FAM83A: variants seen among roughly 807,000 people sequenced by gnomAD.
The protein encoded by FAM83A is scaffolding CK1 anchoring protein A.
In FAM83A, 21 loss-of-function variants were observed where a neutral mutation model predicts 24.4. That is an observed-to-expected ratio of 0.86 (90% CI 0.61 to 1.24). The LOEUF (loss-of-function observed/expected upper bound fraction) is 1.24, where lower values mean the gene tolerates loss of function less well. Ranked by LOEUF, FAM83A falls within the 50% of genes most tolerant of loss-of-function variation. The pLI is 0.00. For missense variants in FAM83A, 617 were observed against 579.8 expected (o/e 1.06, Z -0.66); for synonymous variants, 270 against 252.4 (o/e 1.07, Z -0.66).
chr8:123,183,069 C>A, exon 1 of FAM83A: 1 of 1,613,610 alleles, frequency 6.2e-7, no homozygotes, highest in Non-Finnish European at 8.5e-7. Flanking sequence ...CCCAGTACAT[C>A]CAGGCCCAGG....
chr8:123,194,608 C>T (rs1025040015), intron 3 of FAM83A, among the ~76,000 whole-genome samples: 1 of 152,002 alleles, frequency 6.6e-6, no homozygotes, highest in Admixed American at 6.6e-5. Context: ...CTCAGCCCCC[C>T]AAGTAGCTGG....
chr8:123,181,528 T>C (rs1205282096), upstream of FAM83A: 3 of 154,636 alleles, frequency 1.9e-5, no homozygotes, highest in Non-Finnish European at 4.3e-5. Context: ...CACCTGACAC[T>C]GCCTGAAGGC....
At chr8:123,204,254 A>C (rs1445028423) in intron 3 of FAM83A, among the ~76,000 whole-genome samples, 6 of 152,116 alleles carry the variant, frequency 3.9e-5, no homozygotes, top group Admixed American at 6.6e-5. Context: ...CTCTGCCCCC[A>C]AAAAAATTTT....
intron 3 of FAM83A, among the ~76,000 whole-genome samples, chr8:123,205,562 G>T (rs1360240196): frequency 1.3e-5 from 2 of 152,222 alleles, no homozygotes; most frequent in East Asian, 3.9e-4. Context: ...CCCAACCCTG[G>T]GCTGAGGCCA....
upstream of FAM83A, among the ~76,000 whole-genome samples, chr8:123,181,443 G>A (rs1823597601): frequency 2.0e-5 from 3 of 152,208 alleles, no homozygotes; most frequent in South Asian, 6.2e-4. Context: ...TGAGCAGATA[G>A]CGTCAGGGCC....
intron 3 of FAM83A, among the ~76,000 whole-genome samples, chr8:123,194,391 G>C (rs978732984): frequency 7.2e-5 from 11 of 152,196 alleles, no homozygotes; most frequent in Admixed American, 6.5e-4. Flanking sequence ...TATTGCAATA[G>C]GACGTAGAAT....
intron 3 of FAM83A, chr8:123,202,167 C>T (rs1824381280): frequency 6.6e-6 from 1 of 152,492 alleles, no homozygotes; most frequent in Non-Finnish European, 1.5e-5. Flanking sequence ...CTCGCCACTG[C>T]TCCTAGGAAC....
intron 3 of FAM83A, among the ~76,000 whole-genome samples, chr8:123,205,814 G>T (rs1344716342): frequency 6.6e-6 from 1 of 152,136 alleles, no homozygotes; most frequent in Non-Finnish European, 1.5e-5. Flanking sequence ...GAAACGAAAG[G>T]AGTTTTCCAT....
intron 3 of FAM83A, among the ~76,000 whole-genome samples, chr8:123,206,741 G>C (rs1028840436): frequency 1.5e-4 from 23 of 152,276 alleles, no homozygotes; most frequent in African/African-American, 5.5e-4. Context: ...TGTAAGAGAG[G>C]TGTCGCAATG....
At chr8:123,180,304 A>T (rs937802863), upstream of FAM83A, 2 of 152,098 alleles carry the variant, frequency 1.3e-5, no homozygotes, top group Admixed American at 1.3e-4. Context: ...AATAACATAA[A>T]TGGGAACCAC....
chr8:123,200,962 A>ATAT (rs1376845493), intron 3 of FAM83A, among the ~76,000 whole-genome samples: 1,557 of 141,174 alleles, frequency 0.011, 31 homozygotes, highest in African/African-American at 0.038. Context: ...ATAAACAAAA[A>ATAT]AAAAAAATAT....
At position 123,185,412 on chromosome 8, in the gene FAM83A, T is replaced by A. The variant is rs952567137; in HGVS notation, c.480+2076T>A. ...CCTGGTTAGGGCTTGTAAAACACAGTCCCCTGGCTGAGTCCCTCTCCTCCC... is the reference window on the plus strand; with the variant it reads ...CCTGGTTAGGGCTTGTAAAACACAGACCCCTGGCTGAGTCCCTCTCCTCCC... On this transcript the variant is annotated intron_variant, in intron 1 of 3. Coordinates refer to ENST00000690554, the Ensembl canonical transcript of FAM83A. Among the ~76,000 whole-genome samples, 8 of 152,096 alleles carry A rather than the reference T, an allele frequency of 5.3e-5. No homozygotes were observed. The East Asian group carries it at 7.7e-4, about 15-fold the overall frequency.
chr8:123,194,523 A>C (rs1586781928), intron 3 of FAM83A, among the ~76,000 whole-genome samples: 1 of 142,264 alleles, frequency 7.0e-6, no homozygotes. Flanking sequence ...TCGCCCTGTC[A>C]CCCAGGCTGG....
Position 123,207,509 on chromosome 8 carries a change from T to TG in FAM83A, c.1130dup (p.Ala378SerfsTer169), listed in dbSNP as rs746627728. On this transcript the variant is annotated frameshift_variant, in exon 4 of 4. Transcript: ENST00000690554. LOFTEE classifies it low-confidence loss of function (END_TRUNC). ...CCGGTTCCAGCCCCACCAAGGCCCT[T>TG]GGGGAGCCCCGAGTCCCCAGGCCCA... is the stretch of plus-strand genomic sequence containing the variant. The TG allele has an allele frequency of 6.3e-7, 1 of 1,575,152 alleles. No homozygotes were observed. Among genetic ancestry groups the TG allele is most frequent in the South Asian group, 1.1e-5 (1 of 87,148 alleles).
chr8:123,197,900 C>T (rs968961158), intron 3 of FAM83A, among the ~76,000 whole-genome samples: 3 of 152,260 alleles, frequency 2.0e-5, no homozygotes, highest in Non-Finnish European at 2.9e-5. Context: ...CAGGCCAAGG[C>T]GGGTAGATTA....
intron 3 of FAM83A, chr8:123,202,050 C>T (rs1242447125): frequency 2.0e-5 from 3 of 152,438 alleles, no homozygotes; most frequent in African/African-American, 7.2e-5. Flanking sequence ...AAGACATCAT[C>T]CTGGCTTCTA....
chr8:123,189,850 C>T (rs1211755874), intron 1 of FAM83A, among the ~76,000 whole-genome samples: 6 of 152,176 alleles, frequency 3.9e-5, no homozygotes, highest in Admixed American at 1.3e-4. Flanking sequence ...AGGACTTCCT[C>T]GGGCATGTCC....
At chr8:123,207,706 G>C in exon 4 of FAM83A, 3 of 1,454,654 alleles carry the variant, frequency 2.1e-6, no homozygotes, top group Non-Finnish European at 2.7e-6. Context: ...ATCCCCTGCT[G>C]CCCTCCGCAG....
At chr8:123,194,432 A>C (rs555660457) in intron 3 of FAM83A, among the ~76,000 whole-genome samples, 2 of 151,548 alleles carry the variant, frequency 1.3e-5, no homozygotes, top group East Asian at 3.9e-4. Context: ...GATATCTTAG[A>C]CGTGATTATA....
Sources: gnomAD v4.1 joint callset for allele counts (sites outside exome capture counted in the v4.1 genomes callset) on GRCh38, gnomAD v4.1.1 for gene constraint, MANE v1.5 for transcripts, NCBI Gene and HGNC (gene_info 2026-07-23, HGNC 2026-07-21) for gene names.